ADRA1A: variants seen among roughly 807,000 people sequenced by gnomAD.
ADRA1A encodes the protein adrenoceptor alpha 1A.
In ADRA1A, 31 loss-of-function variants were observed where a neutral mutation model predicts 29.6. The ratio of observed to expected loss-of-function variants is 1.05; its 90% CI spans 0.79 to 1.41. ADRA1A has a LOEUF of 1.41. Among genes scored for constraint, ADRA1A ranks in the 40% most tolerant of loss-of-function variants. The pLI is 0.00. For synonymous variants in ADRA1A, 311 were observed against 254.3 expected, an observed-to-expected ratio of 1.22 and a Z score of -2.12; for missense variants, 619 against 601.1, an observed-to-expected ratio of 1.03 and a Z score of -0.31.
At position 26,768,931 on chromosome 8, in the gene ADRA1A, A is replaced by G. The variant is rs1805941500; in HGVS notation, c.*1218T>C. The G allele has an allele frequency of 1.5e-5, 15 of 985,494 alleles. No individual in the cohort carries two copies. The highest frequency in any genetic ancestry group is 1.8e-5 in the Non-Finnish European group (15 of 829,936). The allele number at this position is 985,494 out of a possible 1,614,324, so 61.0% of individuals were successfully genotyped here. On this transcript the variant is annotated 3_prime_UTR_variant, in exon 3 of 3. Coordinates refer to ENST00000380573, the MANE Select transcript of ADRA1A (RefSeq NM_000680.4). Reference sequence around the variant, plus strand: ...TGAGTTGACTACTGGATCTTTTACCAGAACAAATGGCCTTCTATCAAAAAA... The same window carrying G: ...TGAGTTGACTACTGGATCTTTTACCGGAACAAATGGCCTTCTATCAAAAAA...
Position 26,864,004 on chromosome 8 carries a change from T to A in ADRA1A, c.883+83A>T. 1 of 1,400,026 alleles carries A rather than the reference T, an allele frequency of 7.1e-7. No homozygotes were observed. The highest frequency in any genetic ancestry group is 1.4e-5 in the South Asian group (1 of 71,622). 86.7% of individuals were successfully genotyped at this position (1,400,026 alleles called of 1,614,324 possible). ...TGAAATGCTAATCCTTCCTCTTCCA[T>A]CCCGGACTGGGAGTCTGGGGTAACA... On this transcript the variant is annotated intron_variant, in intron 2 of 2. Coordinates refer to ENST00000380573, the MANE Select transcript of ADRA1A (RefSeq NM_000680.4). The surrounding 1 kb of genome is among the most constrained non-coding windows in gnomAD (Gnocchi z 8.1).
rs564073990 is a variant in ADRA1A at position 26,860,925 on chromosome 8, G to T, written c.883+3162C>A. On this transcript the variant is annotated intron_variant, in intron 2 of 2. Coordinates refer to ENST00000380573, the MANE Select transcript of ADRA1A (RefSeq NM_000680.4). The surrounding 1 kb of genome is among the most constrained non-coding windows in gnomAD (Gnocchi z 4.7). ...CCCTCCAGCTACACCGCATCTCCTA[G>T]CTCCAGTGTATAGCAAAACCTTTCA... 8.5e-4 allele frequency among the ~76,000 whole-genome samples: 130 copies of T among 152,200 alleles called. No individual in the cohort carries two copies. Among genetic ancestry groups the T allele is most frequent in the South Asian group, 1.7e-3 (8 of 4,812 alleles).
At chr8:26,797,972 C>T (rs1022889290) in intron 2 of ADRA1A, among the ~76,000 whole-genome samples, 1 of 149,376 alleles carries the variant, frequency 6.7e-6, no homozygotes, top group East Asian at 2.0e-4. Context: ...TCATCTGCAT[C>T]GACAGTAAGT....
At chr8:26,798,826 ACT>A (rs1175631972) in intron 2 of ADRA1A, among the ~76,000 whole-genome samples, 2 of 152,052 alleles carry the variant, frequency 1.3e-5, no homozygotes. Context: ...AAAATTAAAC[ACT>A]CTCCTTGTGC....
chr8:26,847,299 A>G (rs772293737), intron 2 of ADRA1A, among the ~76,000 whole-genome samples: 22 of 152,316 alleles, frequency 1.4e-4, no homozygotes, highest in East Asian at 5.8e-4. Context: ...AAACGTCTCC[A>G]GACCTTGCCA....
chr8:26,770,065 G>T lies in ADRA1A; in HGVS notation c.*84C>A. The T allele has an allele frequency of 2.0e-6, 3 of 1,511,294 alleles. No individual in the cohort carries two copies. The highest frequency in any genetic ancestry group is 2.6e-6 in the Non-Finnish European group (3 of 1,132,162). 93.6% of individuals were successfully genotyped at this position (1,511,294 alleles called of 1,614,324 possible). On this transcript the variant is annotated 3_prime_UTR_variant, in exon 3 of 3. Coordinates refer to ENST00000380573, the MANE Select transcript of ADRA1A (RefSeq NM_000680.4). ...TCCCCTCTTTGATTGGTCCTGTCTTGTCCTCCAAGAAGAGCTGGCCTTCCG... is the reference window on the plus strand; with the variant it reads ...TCCCCTCTTTGATTGGTCCTGTCTTTTCCTCCAAGAAGAGCTGGCCTTCCG...
chr8:26,852,638 A>T (rs1284081621), intron 2 of ADRA1A, among the ~76,000 whole-genome samples: 1 of 152,170 alleles, frequency 6.6e-6, no homozygotes, highest in Non-Finnish European at 1.5e-5. Context: ...ATCAGAACAG[A>T]CCACTATCCA....
Position 26,865,936 on chromosome 8 carries a change from C to G in ADRA1A, c.-686-281G>C, listed in dbSNP as rs1585873548. 6.6e-6 allele frequency among the ~76,000 whole-genome samples: 1 copy of G among 152,176 alleles called. No homozygotes were observed. Among genetic ancestry groups the G allele is most frequent in the Non-Finnish European group, 1.5e-5 (1 of 68,026 alleles). The stretch of plus-strand genomic sequence containing the variant: ...AAATCCCCAAAACCCCAGGCTCCAG[C>G]GCTCGAAGTCTGGATTTCGAGCGCA... On this transcript the variant is annotated intron_variant, in intron 1 of 2. Transcript: ENST00000380573. The surrounding 1 kb of genome is among the most constrained non-coding windows in gnomAD (Gnocchi z 7.6).
Position 26,775,846 on chromosome 8 carries a change from T to A in ADRA1A, c.884-5180A>T, listed in dbSNP as rs1039863982. ...CAAACACCATCAACATTCTCATTCA[T>A]GGAGATTCAGAATCCTCACTTCCAC... On this transcript the variant is annotated intron_variant, in intron 2 of 2. Coordinates refer to ENST00000380573, the MANE Select transcript of ADRA1A (RefSeq NM_000680.4). The surrounding 1 kb of genome is among the most constrained non-coding windows in gnomAD (Gnocchi z 4.1). 6.6e-6 allele frequency among the ~76,000 whole-genome samples: 1 copy of A among 152,216 alleles called. No individual in the cohort carries two copies. Among genetic ancestry groups the A allele is most frequent in the African/African-American group, 2.4e-5 (1 of 41,450 alleles).
intron 2 of ADRA1A, among the ~76,000 whole-genome samples, chr8:26,808,489 A>G (rs1327501157): frequency 6.6e-6 from 1 of 151,914 alleles, no homozygotes; most frequent in African/African-American, 2.4e-5. Context: ...TTCTTTGGTG[A>G]TCTTGGCAAT....
At chr8:26,852,952 G>A (rs982230165) in intron 2 of ADRA1A, among the ~76,000 whole-genome samples, 2 of 152,118 alleles carry the variant, frequency 1.3e-5, no homozygotes, top group Non-Finnish European at 2.9e-5. Context: ...GAATAACGGT[G>A]ATGTCACCTG....
chr8:26,773,308 G>A (rs954362727), intron 2 of ADRA1A, among the ~76,000 whole-genome samples: 4 of 152,174 alleles, frequency 2.6e-5, no homozygotes, highest in Non-Finnish European at 4.4e-5. Flanking sequence ...ATGCTTTTTC[G>A]AACCTCATCT....
chr8:26,840,314 G>C (rs1179535891), intron 2 of ADRA1A, among the ~76,000 whole-genome samples: 1 of 152,098 alleles, frequency 6.6e-6, no homozygotes, highest in Non-Finnish European at 1.5e-5. Context: ...GTAGCGGTTG[G>C]GTAGGAGAAG....
chr8:26,842,695 C>G (rs1479198805), intron 2 of ADRA1A, among the ~76,000 whole-genome samples: 1 of 152,054 alleles, frequency 6.6e-6, no homozygotes, highest in African/African-American at 2.4e-5. Flanking sequence ...CCCAGTGGCT[C>G]CCCACTTCCT....
At chr8:26,859,245 T>G (rs1408799833) in intron 2 of ADRA1A, 2 of 1,206,226 alleles carry the variant, frequency 1.7e-6, no homozygotes, top group African/African-American at 3.2e-5. Flanking sequence ...ATTCTTCTGC[T>G]CACATTTTGC....
downstream of ADRA1A, among the ~76,000 whole-genome samples, chr8:26,767,729 C>G (rs1340638064): frequency 1.3e-5 from 2 of 151,910 alleles, no homozygotes; most frequent in African/African-American, 4.8e-5. Flanking sequence ...AGGATCATCT[C>G]AAACATGGAA....
chr8:26,859,675 C>T (rs1285906786), intron 2 of ADRA1A, among the ~76,000 whole-genome samples: 2 of 152,130 alleles, frequency 1.3e-5, no homozygotes, highest in East Asian at 3.9e-4. Context: ...TTGAGAGCCA[C>T]AGACTGGCAG....
In ADRA1A at chr8:26,864,754, G is replaced by T. The variant is rs1455659706; in HGVS notation, c.216C>A (p.Asp72Glu). 10 of 1,614,094 alleles carry T rather than the reference G, an allele frequency of 6.2e-6. No individual in the cohort carries two copies. The highest frequency in any genetic ancestry group is 8.5e-6 in the Non-Finnish European group (10 of 1,180,056). The change falls in exon 2 of 3, where the codon GAC becomes GAA. Residue 72 changes from aspartate to glutamate, a missense_variant. By Grantham distance (45) the Asp-to-Glu change is conservative (BLOSUM62 2). Coordinates refer to ENST00000380573, the MANE Select transcript of ADRA1A (RefSeq NM_000680.4). The surrounding 1 kb of genome is among the most constrained non-coding windows in gnomAD (Gnocchi z 8.1). ...GCAGCACCGTGGAGGTGAGCAGGAG[G>T]TCGGCCACCGCCAGGTTGACGATGT... ...HYYIVNLAVA[D>E]LLLTSTVLPF...
intron 2 of ADRA1A, among the ~76,000 whole-genome samples, chr8:26,844,612 A>G (rs1812066054): frequency 2.6e-5 from 4 of 152,198 alleles, no homozygotes; most frequent in Admixed American, 2.6e-4. Context: ...CAAGGGTGCC[A>G]AGACCACTCA....
Sources: allele counts gnomAD v4.1 joint callset (sites outside exome capture counted in the v4.1 genomes callset), GRCh38; gene constraint gnomAD v4.1.1; non-coding constraint Gnocchi (gnomAD v3.1); transcripts MANE v1.5; gene names NCBI Gene and HGNC (gene_info 2026-07-23, HGNC 2026-07-21).